Variants in SCRN1 observed in about 807,000 individuals in gnomAD.
SCRN1 encodes secernin 1, also known as secernin-1.
Under a neutral mutation model 43.3 loss-of-function variants are expected in SCRN1, and 19 were observed. The observed-to-expected ratio is 0.44, with a 90% CI of 0.31 to 0.64. The LOEUF (loss-of-function observed/expected upper bound fraction) is 0.64. Among genes scored for constraint, SCRN1 ranks in the 30% least tolerant of loss-of-function variants. SCRN1 has a pLI of 0.09. For missense variants in SCRN1, 447 were observed against 524.1 expected (o/e 0.85, Z 1.44); for synonymous variants, 183 against 188.9 (o/e 0.97, Z 0.26).
chr7:29,926,714 C>A, intron 6 of SCRN1, 82 bp from the exon 7 acceptor site: 7 of 1,124,408 alleles, frequency 6.2e-6, no homozygotes, highest in Middle Eastern at 2.9e-4. Flanking sequence ...ATTCAGCAAA[C>A]ATTTCCCAAG....
Position 29,928,500 on chromosome 7 carries a change from C to T in SCRN1, c.906-1868G>A, listed in dbSNP as rs1010004368. On this transcript the variant is annotated intron_variant, in intron 6 of 7. Transcript: ENST00000242059. ...TGAGTATTAAAAGCAGTGAGACCTT[C>T]GTACCCCAAGCTGGTGAACTGAGTG... Among the ~76,000 whole-genome samples, 6 of 152,212 alleles carry T rather than the reference C, an allele frequency of 3.9e-5. No individual in the cohort carries two copies. In the East Asian group the frequency reaches 9.6e-4, roughly 24 times the overall value.
chr7:29,982,682 C>CAAAAAAA (rs10538004), intron 1 of SCRN1, among the ~76,000 whole-genome samples: 2 of 64,744 alleles, frequency 3.1e-5, no homozygotes, highest in South Asian at 6.4e-4. Context: ...GACCCTGTCT[C>CAAAAAAA]AAAAAAAAAA....
At chr7:29,960,673 G>C (rs1053433086) in intron 2 of SCRN1, among the ~76,000 whole-genome samples, 2 of 151,894 alleles carry the variant, frequency 1.3e-5, no homozygotes, top group East Asian at 1.9e-4. Flanking sequence ...ATGTAAGAAT[G>C]GACCTGTACC....
intron 1 of SCRN1, chr7:29,988,864 G>C (rs1789254404): frequency 6.6e-6 from 1 of 152,282 alleles, no homozygotes; most frequent in African/African-American, 2.4e-5. Context: ...ATTCTCTAAA[G>C]TTCAAGCGCC....
chr7:29,927,441 G>A (rs571548072), intron 6 of SCRN1, among the ~76,000 whole-genome samples: 2 of 142,534 alleles, frequency 1.4e-5, no homozygotes, highest in African/African-American at 2.6e-5. Flanking sequence ...CGGGCTAAGG[G>A]ACCACTATGG....
At chr7:29,937,534 T>C (rs1164504380) in intron 5 of SCRN1, among the ~76,000 whole-genome samples, 1 of 152,200 alleles carries the variant, frequency 6.6e-6, no homozygotes, top group Non-Finnish European at 1.5e-5. Context: ...ACTCAATAGA[T>C]ATCCACAAGA....
intron 4 of SCRN1, among the ~76,000 whole-genome samples, chr7:29,942,190 T>C (rs949918218): frequency 3.3e-5 from 5 of 152,240 alleles, no homozygotes; most frequent in Admixed American, 1.3e-4. Context: ...AAAAATACTC[T>C]TGTAAGCAAC....
intron 4 of SCRN1, among the ~76,000 whole-genome samples, chr7:29,943,495 A>G (rs1787626378): frequency 6.6e-6 from 1 of 152,194 alleles, no homozygotes; most frequent in Admixed American, 6.5e-5. Context: ...CTGTGAGATA[A>G]ATGAACTTCA....
chr7:29,940,555 G>T, intron 5 of SCRN1, 127 bp downstream of exon 5: 1 of 786,262 alleles, frequency 1.3e-6, no homozygotes, highest in Non-Finnish European at 1.9e-6. Flanking sequence ...AGCAGAAGTT[G>T]GTCTTTACAT....
intron 1 of SCRN1, among the ~76,000 whole-genome samples, chr7:29,977,084 G>A (rs1211266724): frequency 1.3e-5 from 2 of 152,188 alleles, no homozygotes; most frequent in Non-Finnish European, 2.9e-5. Flanking sequence ...TCCCTCATCA[G>A]TTACCTTACC....
chr7:29,984,219 A>G (rs1372641071), intron 1 of SCRN1, among the ~76,000 whole-genome samples: 3 of 150,586 alleles, frequency 2.0e-5, no homozygotes, highest in East Asian at 3.9e-4. Flanking sequence ...AAAAAAAAAA[A>G]AAAAAAGAAA....
chr7:29,966,702 C>T (rs1788510236), intron 2 of SCRN1, among the ~76,000 whole-genome samples: 1 of 152,178 alleles, frequency 6.6e-6, no homozygotes, highest in Non-Finnish European at 1.5e-5. Context: ...GTTGCAAGGG[C>T]TTTTATTAAG....
In SCRN1 at chr7:29,924,130, G is replaced by T; in HGVS notation, c.1087-15C>A. The T allele has an allele frequency of 6.2e-7, 1 of 1,605,860 alleles. No homozygotes were observed. The highest frequency in any genetic ancestry group is 1.1e-5 in the South Asian group (1 of 89,600). ...CGACCTTGCTCCTGAGGAAGGACACGACTGCTTTAGGTGTCAGCAAAATAG... is the reference window on the plus strand; with the variant it reads ...CGACCTTGCTCCTGAGGAAGGACACTACTGCTTTAGGTGTCAGCAAAATAG... On this transcript the variant is annotated splice_polypyrimidine_tract_variant and intron_variant, in intron 7 of 7. Coordinates refer to ENST00000242059, the MANE Select transcript of SCRN1 (RefSeq NM_014766.5).
chr7:29,922,564 C>T lies in SCRN1; in HGVS notation c.*1393G>A, dbSNP rs1047331720. ...TTACATACACTTCTGTTCATCATCTCTGCCCGTTTCAGGAGTAGCTGAGAG... is the reference window on the plus strand; with the variant it reads ...TTACATACACTTCTGTTCATCATCTTTGCCCGTTTCAGGAGTAGCTGAGAG... On this transcript the variant is annotated 3_prime_UTR_variant, in exon 8 of 8. Transcript: ENST00000242059. 11 of 152,264 alleles carry T rather than the reference C, an allele frequency of 7.2e-5. No homozygotes were observed. The highest frequency in any genetic ancestry group is 2.4e-4 in the African/African-American group (10 of 41,454). The allele number at this position is 152,264 out of a possible 1,614,324, so 9.4% of individuals were successfully genotyped here.
chr7:29,944,260 G>C, intron 3 of SCRN1, 81 bp from the exon 4 acceptor site: 1 of 1,282,022 alleles, frequency 7.8e-7, no homozygotes, highest in East Asian at 2.3e-5. Flanking sequence ...ACTGGGCAAG[G>C]CCGAGTTATG....
Position 29,955,369 on chromosome 7 carries a change from C to CAA in SCRN1, c.160-11_160-10dup. ...ATTGAAATGTAAGTGCACTGAAAAA[C>CAA]AAACACAGGAAAGAAAGCGCCATCA... On this transcript the variant is annotated splice_polypyrimidine_tract_variant and intron_variant, in intron 2 of 7. Coordinates refer to ENST00000242059, the MANE Select transcript of SCRN1 (RefSeq NM_014766.5). 5.6e-6 allele frequency: 9 copies of CAA among 1,612,214 alleles called. No homozygotes were observed. Among genetic ancestry groups the CAA allele is most frequent in the Non-Finnish European group, 6.8e-6 (8 of 1,179,142 alleles).
At chr7:29,947,222 C>A (rs927524359) in intron 3 of SCRN1, 3 of 1,550,480 alleles carry the variant, frequency 1.9e-6, no homozygotes, top group Non-Finnish European at 2.6e-6. Context: ...CTCCTGAATT[C>A]AATTCCTAGT....
chr7:29,953,664 T>A (rs890647969), intron 3 of SCRN1, among the ~76,000 whole-genome samples: 5 of 152,172 alleles, frequency 3.3e-5, no homozygotes, highest in African/African-American at 9.7e-5. Flanking sequence ...CTGCTCCTCC[T>A]GAGTTTATAA....
intron 3 of SCRN1, among the ~76,000 whole-genome samples, chr7:29,949,024 T>C (rs1273228607): frequency 6.6e-6 from 1 of 152,134 alleles, no homozygotes; most frequent in Non-Finnish European, 1.5e-5. Flanking sequence ...GGATTATAAG[T>C]GGCACCCTAG....
Sources: allele counts gnomAD v4.1 joint callset (sites outside exome capture counted in the v4.1 genomes callset), GRCh38; gene constraint gnomAD v4.1.1; transcripts MANE v1.5; gene names NCBI Gene and HGNC (gene_info 2026-07-23, HGNC 2026-07-21).